Variants in CDH12 observed in about 807,000 individuals in gnomAD.
CDH12 encodes the protein cadherin 12, also known as cadherin-12.
Under a neutral mutation model 74.1 loss-of-function variants are expected in CDH12, and 41 were observed. That is an observed-to-expected ratio of 0.55 (90% confidence interval 0.43 to 0.72). The LOEUF (loss-of-function observed/expected upper bound fraction) is 0.72, where lower values mean the gene tolerates loss of function less well. Ranked by LOEUF, CDH12 falls within the 30% of genes least tolerant of loss-of-function variation. The pLI, the probability that CDH12 is intolerant of heterozygous loss-of-function variation, is 0.00. For synonymous variants in CDH12, 399 were observed against 355.0 expected, an observed-to-expected ratio of 1.12 and a Z score of -1.39; for missense variants, 945 against 977.2, an observed-to-expected ratio of 0.97 and a Z score of 0.44.
At chr5:22,127,132 C>T (rs901794783) in intron 4 of CDH12, among the ~76,000 whole-genome samples, 11 of 151,962 alleles carry the variant, frequency 7.2e-5, no homozygotes, top group Non-Finnish European at 8.8e-5. Flanking sequence ...CTATATTGTG[C>T]ATTTTCAAAT....
intron 9 of CDH12, among the ~76,000 whole-genome samples, chr5:21,810,947 A>T (rs1255447442): frequency 6.6e-6 from 1 of 152,124 alleles, no homozygotes; most frequent in Non-Finnish European, 1.5e-5. Flanking sequence ...AAGCGTGAAA[A>T]AAGAAAAAGA....
Position 21,817,151 on chromosome 5 carries a change from T to C in CDH12, c.815-19A>G. ...AAGATGCCTGATAAGACATATAAAA[T>C]TTGAATTGACAGTGGGGTTAGTAAG... On this transcript the variant is annotated intron_variant, in intron 8 of 14. Transcript: ENST00000382254. The C allele has an allele frequency of 1.9e-6, 3 of 1,569,806 alleles. No individual in the cohort carries two copies. Among genetic ancestry groups the C allele is most frequent in the Non-Finnish European group, 1.7e-6 (2 of 1,150,916 alleles).
intron 5 of CDH12, among the ~76,000 whole-genome samples, chr5:22,063,678 C>A (rs1254547928): frequency 6.6e-6 from 1 of 151,322 alleles, no homozygotes; most frequent in African/African-American, 2.4e-5. Context: ...GATATTTGGT[C>A]AAATATTAAT....
chr5:21,768,723 A>G (rs990905583), intron 11 of CDH12, among the ~76,000 whole-genome samples: 1 of 152,042 alleles, frequency 6.6e-6, no homozygotes, highest in Non-Finnish European at 1.5e-5. Context: ...TTTAAGGAAC[A>G]AATAATATCA....
At chr5:22,587,036 A>C (rs1740439552) in intron 1 of CDH12, among the ~76,000 whole-genome samples, 1 of 151,904 alleles carries the variant, frequency 6.6e-6, no homozygotes, top group Admixed American at 6.6e-5. Flanking sequence ...GGGTTTCACC[A>C]TGTTGACCAG....
At chr5:22,816,726 T>G (rs1321374010) in intron 1 of CDH12, among the ~76,000 whole-genome samples, 1 of 152,194 alleles carries the variant, frequency 6.6e-6, no homozygotes, top group African/African-American at 2.4e-5. Context: ...ATTATTAGCC[T>G]GAGTCCCAGA....
At position 22,032,146 on chromosome 5, in the gene CDH12, T is replaced by C. The variant is rs114351502; in HGVS notation, c.231+46300A>G. Among the ~76,000 whole-genome samples the C allele has an allele frequency of 4.0e-3, 601 of 151,386 alleles. 9 individuals are homozygous for C. The highest frequency in any genetic ancestry group is 0.014 in the African/African-American group (567 of 40,886). On this transcript the variant is annotated intron_variant, in intron 5 of 14. Transcript: ENST00000382254. ...CAACTACATATCATTTATGAACATATATATGACATGCCTGTCAACTATGTG... is the reference window on the plus strand; with the variant it reads ...CAACTACATATCATTTATGAACATACATATGACATGCCTGTCAACTATGTG...
chr5:22,580,379 G>A (rs754922254), intron 1 of CDH12: 16 of 477,460 alleles, frequency 3.4e-5, no homozygotes, highest in African/African-American at 2.4e-4. Flanking sequence ...CCAAGTGCAC[G>A]TGGTCCCCAT....
chr5:21,866,826 A>C (rs1185567094), intron 6 of CDH12, among the ~76,000 whole-genome samples: 6 of 152,184 alleles, frequency 3.9e-5, no homozygotes, highest in Admixed American at 3.9e-4. Context: ...GGCATGTCAG[A>C]GACCTTTGTG....
At position 22,456,107 on chromosome 5, in the gene CDH12, T is replaced by TTATATA. The variant is rs36020133; in HGVS notation, c.-428+49157_-428+49162dup. ...ATTATTCATTTCTGCCATGTGGATATTATATATATATATATATATATATAT... is the reference window on the plus strand; with the variant it reads ...ATTATTCATTTCTGCCATGTGGATATTATATATATATATATATATATATATATATAT... On this transcript the variant is annotated intron_variant, in intron 2 of 14. Transcript: ENST00000382254. Among the ~76,000 whole-genome samples the TTATATA allele has an allele frequency of 3.9e-4, 58 of 147,884 alleles. 1 individual carries two copies. The highest frequency in any genetic ancestry group is 1.9e-3 in the South Asian group (9 of 4,628).
intron 1 of CDH12, among the ~76,000 whole-genome samples, chr5:22,506,178 G>T (rs968451692): frequency 1.3e-5 from 2 of 152,046 alleles, no homozygotes; most frequent in African/African-American, 4.8e-5. Flanking sequence ...CTGTTTGAAA[G>T]CAAGTCAATA....
intron 3 of CDH12, among the ~76,000 whole-genome samples, chr5:22,266,556 C>T (rs1034742107): frequency 3.9e-5 from 6 of 152,046 alleles, no homozygotes; most frequent in Non-Finnish European, 7.4e-5. Context: ...TTGTATATCA[C>T]CACTATATAC....
In CDH12 at chr5:22,196,395, G is replaced by A. The variant is rs559571511; in HGVS notation, c.-187+16103C>T. Among the ~76,000 whole-genome samples, 7 of 152,022 alleles carry A rather than the reference G, an allele frequency of 4.6e-5. No individual in the cohort carries two copies. The South Asian group carries it at 1.5e-3, about 32-fold the overall frequency. ...CTCGACCTCATGATCTGCCCACCTC[G>A]GCCTCCCAAAGTGCTGGGATTACAG... is the stretch of plus-strand genomic sequence containing the variant. On this transcript the variant is annotated intron_variant, in intron 4 of 14. Transcript: ENST00000382254.
chr5:21,796,613 C>T (rs1195305658), intron 10 of CDH12, among the ~76,000 whole-genome samples: 3 of 151,820 alleles, frequency 2.0e-5, no homozygotes, highest in Non-Finnish European at 4.4e-5. Context: ...TTATTTAATT[C>T]TTTTGACATG....
intron 1 of CDH12, among the ~76,000 whole-genome samples, chr5:22,623,300 G>T (rs1485522717): frequency 6.6e-6 from 1 of 152,166 alleles, no homozygotes; most frequent in African/African-American, 2.4e-5. Flanking sequence ...ACATAGTGTT[G>T]CAAGTTCTGG....
At chr5:22,262,171 GGTTA>G (rs1753542558) in intron 3 of CDH12, among the ~76,000 whole-genome samples, 1 of 150,936 alleles carries the variant, frequency 6.6e-6, no homozygotes, top group African/African-American at 2.4e-5. Flanking sequence ...ACATTGTGCA[GGTTA>G]GTTACATATG....
intron 5 of CDH12, among the ~76,000 whole-genome samples, chr5:22,026,000 C>CAA (rs60334250): frequency 0.35 from 53,465 of 151,888 alleles, 12,270 homozygotes; most frequent in African/African-American, 0.66. Flanking sequence ...TTCAACCACT[C>CAA]AGTCATCTGT....
At chr5:22,033,855 T>C (rs1738995359) in intron 5 of CDH12, among the ~76,000 whole-genome samples, 1 of 152,166 alleles carries the variant, frequency 6.6e-6, no homozygotes, top group Admixed American at 6.5e-5. Context: ...CCCTGTACTC[T>C]CCCTCTTTAG....
chr5:22,177,005 T>A (rs1345514529), intron 4 of CDH12, among the ~76,000 whole-genome samples: 1 of 152,146 alleles, frequency 6.6e-6, no homozygotes, highest in Non-Finnish European at 1.5e-5. Context: ...TATGCTCATA[T>A]CTGCTACCCT....
Sources: gnomAD v4.1 joint callset for allele counts (sites outside exome capture counted in the v4.1 genomes callset) on GRCh38, gnomAD v4.1.1 for gene constraint, MANE v1.5 for transcripts, NCBI Gene and HGNC (gene_info 2026-07-23, HGNC 2026-07-21) for gene names.